ADAMTS12: variants seen among roughly 807,000 people sequenced by gnomAD.
ADAMTS12 encodes ADAM metallopeptidase with thrombospondin type 1 motif 12, also known as A disintegrin and metalloproteinase with thrombospondin motifs 12.
ADAMTS12 carries 118 observed loss-of-function variants against 167.8 expected under a neutral mutation model. That is an observed-to-expected ratio of 0.70 (90% CI 0.61 to 0.82). The LOEUF (loss-of-function observed/expected upper bound fraction) is 0.82, where lower values mean the gene tolerates loss of function less well. Ranked by LOEUF, ADAMTS12 falls within the 40% of genes least tolerant of loss-of-function variation. The pLI, the probability that ADAMTS12 is intolerant of heterozygous loss-of-function variation, is 0.00. For synonymous variants in ADAMTS12, 704 were observed against 716.9 expected (o/e 0.98, Z 0.29); for missense variants, 1,916 against 1,998.8 (o/e 0.96, Z 0.79).
intron 5 of ADAMTS12, among the ~76,000 whole-genome samples, chr5:33,681,218 A>G (rs1742098959): frequency 6.6e-6 from 1 of 152,176 alleles, no homozygotes; most frequent in Non-Finnish European, 1.5e-5. Flanking sequence ...ACCGGGTTAC[A>G]GGGGAAAGAA....
At chr5:33,715,953 C>T (rs1235320017) in intron 3 of ADAMTS12, among the ~76,000 whole-genome samples, 1 of 152,020 alleles carries the variant, frequency 6.6e-6, no homozygotes, top group African/African-American at 2.4e-5. Flanking sequence ...TTAATAAGGG[C>T]CCAGGCATTT....
intron 16 of ADAMTS12, among the ~76,000 whole-genome samples, chr5:33,598,747 C>G (rs1199107537): frequency 6.6e-6 from 1 of 152,302 alleles, no homozygotes; most frequent in East Asian, 1.9e-4. Flanking sequence ...CATATGGCAG[C>G]TCATATTTTC....
At chr5:33,723,113 G>C (rs1218111368) in intron 3 of ADAMTS12, among the ~76,000 whole-genome samples, 1 of 152,124 alleles carries the variant, frequency 6.6e-6, no homozygotes, top group Non-Finnish European at 1.5e-5. Flanking sequence ...TGGATGACAG[G>C]TATGCCTTGC....
rs377084884 is a variant in ADAMTS12, at chr5:33,577,094, G to T, written c.2932C>A (p.Pro978Thr). 101 of 1,614,044 alleles carry T rather than the reference G, an allele frequency of 6.3e-5. No homozygotes were observed. The highest frequency in any genetic ancestry group is 8.3e-5 in the Admixed American group (5 of 60,002). ...TTGGGTTTCCTTGTCACATCGCAAG[G>T]TTCATCATGGTTCTTGGCACATGTG... ...SVTCAKNHDE[P>T]CDVTRKPNSR... Residue 978 changes from proline (P) to threonine (T), a missense_variant, in exon 19 of 24, where the codon CCT (proline) becomes ACT (threonine). Physicochemically the swap from Pro to Thr is conservative, Grantham distance 38. Transcript: ENST00000504830.
intron 1 of ADAMTS12, among the ~76,000 whole-genome samples, chr5:33,883,467 T>C (rs1750529845): frequency 6.6e-6 from 1 of 152,054 alleles, no homozygotes; most frequent in African/African-American, 2.4e-5. Context: ...TCTCCATTTT[T>C]AGGTGTAAAA....
At chr5:33,774,596 T>C (rs528525063) in intron 2 of ADAMTS12, among the ~76,000 whole-genome samples, 7 of 152,348 alleles carry the variant, frequency 4.6e-5, no homozygotes, top group African/African-American at 1.7e-4. Context: ...GTCCAGAGTC[T>C]GCGAAGTTAG....
At chr5:33,686,757 C>T (rs1239312305) in intron 3 of ADAMTS12, among the ~76,000 whole-genome samples, 4 of 148,968 alleles carry the variant, frequency 2.7e-5, no homozygotes, top group Non-Finnish European at 4.5e-5. Context: ...ATATATACAC[C>T]TCTCTCTCTA....
intron 21 of ADAMTS12, among the ~76,000 whole-genome samples, chr5:33,548,479 C>T (rs1745090879): frequency 1.3e-5 from 2 of 152,150 alleles, no homozygotes; most frequent in African/African-American, 4.8e-5. Context: ...CTCCTGGACA[C>T]ACTCAAAATA....
At chr5:33,690,675 C>A (rs9292505) in intron 3 of ADAMTS12, among the ~76,000 whole-genome samples, 3 of 151,744 alleles carry the variant, frequency 2.0e-5, no homozygotes, top group Non-Finnish European at 2.9e-5. Context: ...CTGAATGAGT[C>A]GAGAATTTAT....
At chr5:33,700,236 A>G (rs1484388726) in intron 3 of ADAMTS12, among the ~76,000 whole-genome samples, 1 of 152,266 alleles carries the variant, frequency 6.6e-6, no homozygotes, top group East Asian at 1.9e-4. Context: ...TTATGTCCAC[A>G]TAAAAATCTG....
At chr5:33,711,568 C>T (rs1015368656) in intron 3 of ADAMTS12, among the ~76,000 whole-genome samples, 2 of 152,104 alleles carry the variant, frequency 1.3e-5, no homozygotes, top group African/African-American at 4.8e-5. Flanking sequence ...GCACCACTCC[C>T]TACTGTTACT....
intron 5 of ADAMTS12, among the ~76,000 whole-genome samples, chr5:33,675,220 A>C (rs1042167360): frequency 2.6e-5 from 4 of 152,184 alleles, no homozygotes; most frequent in African/African-American, 9.7e-5. Flanking sequence ...GACCCTGCCT[A>C]GTTCTTGACA....
intron 2 of ADAMTS12, among the ~76,000 whole-genome samples, chr5:33,824,531 G>C (rs1216650735): frequency 6.6e-6 from 1 of 152,154 alleles, no homozygotes; most frequent in African/African-American, 2.4e-5. Context: ...CATACCTAAA[G>C]AATAGATTCC....
At chr5:33,721,208 G>A (rs778307269) in intron 3 of ADAMTS12, among the ~76,000 whole-genome samples, 12 of 152,194 alleles carry the variant, frequency 7.9e-5, no homozygotes, top group Non-Finnish European at 1.5e-4. Flanking sequence ...TTAGCTCTGG[G>A]GAGAGGGATG....
intron 3 of ADAMTS12, among the ~76,000 whole-genome samples, chr5:33,733,455 T>C (rs1476362262): frequency 6.6e-6 from 1 of 152,202 alleles, no homozygotes; most frequent in Non-Finnish European, 1.5e-5. Context: ...AATAACAGCC[T>C]CTAATCATAA....
At chr5:33,850,498 T>C (rs2111646018) in intron 2 of ADAMTS12, among the ~76,000 whole-genome samples, 1 of 152,266 alleles carries the variant, frequency 6.6e-6, no homozygotes, top group South Asian at 2.1e-4. Flanking sequence ...AGCTAATGAC[T>C]GAAATCTGCC....
At chr5:33,814,856 G>A (rs1579959121) in intron 2 of ADAMTS12, among the ~76,000 whole-genome samples, 1 of 152,102 alleles carries the variant, frequency 6.6e-6, no homozygotes, top group Non-Finnish European at 1.5e-5. Flanking sequence ...CTGTGACCTC[G>A]ACCAGAGGAA....
At position 33,558,694 on chromosome 5, in the gene ADAMTS12, T is replaced by C. The variant is rs533517546; in HGVS notation, c.4125+2333A>G. On this transcript the variant is annotated intron_variant, in intron 20 of 23. Transcript: ENST00000504830. ...AAGCTATTTCACACATCTTTCCTTTTCATGAGTCATGTAATTTCCAATGAA... is the reference window on the plus strand; with the variant it reads ...AAGCTATTTCACACATCTTTCCTTTCCATGAGTCATGTAATTTCCAATGAA... 5.9e-5 allele frequency among the ~76,000 whole-genome samples: 9 copies of C among 152,336 alleles called. No homozygotes were observed. In the South Asian group the frequency reaches 1.7e-3, roughly 28 times the overall value.
intron 16 of ADAMTS12, among the ~76,000 whole-genome samples, chr5:33,612,681 T>C (rs1738787293): frequency 6.6e-6 from 1 of 152,198 alleles, no homozygotes; most frequent in African/African-American, 2.4e-5. Flanking sequence ...GGAAATTTTT[T>C]TCACCCACTT....
Sources: gnomAD v4.1 joint callset for allele counts (sites outside exome capture counted in the v4.1 genomes callset) on GRCh38, gnomAD v4.1.1 for gene constraint, MANE v1.5 for transcripts, NCBI Gene and HGNC (gene_info 2026-07-23, HGNC 2026-07-21) for gene names.